Variants in RAB3IL1 observed in about 807,000 individuals in gnomAD.
RAB3IL1 encodes the protein RAB3A interacting protein like 1.
RAB3IL1 carries 37 observed loss-of-function variants against 49.2 expected under a neutral mutation model. That is an observed-to-expected ratio of 0.75 (90% CI 0.58 to 0.99). The LOEUF is 0.99. Among genes scored for constraint, RAB3IL1 ranks in the 50% least tolerant of loss-of-function variants. The pLI is 0.00. For missense variants in RAB3IL1, 484 were observed against 513.0 expected, an observed-to-expected ratio of 0.94 and a Z score of 0.55; for synonymous variants, 193 against 213.9, an observed-to-expected ratio of 0.90 and a Z score of 0.85.
At chr11:61,934,757 C>T in the RAB3IL1 span, among the ~76,000 whole-genome samples, 4 of 151,532 alleles carry the variant, frequency 2.6e-5, no homozygotes, top group Admixed American at 6.6e-5. Flanking sequence ...AGGTATGTGC[C>T]GACACACATA....
At chr11:61,932,784 T>C in the RAB3IL1 span, among the ~76,000 whole-genome samples, 2 of 149,968 alleles carry the variant, frequency 1.3e-5, no homozygotes, top group South Asian at 4.2e-4. Context: ...TTTTTTTTTT[T>C]TTTTTGAGAC....
chr11:61,916,606 T>C (rs1939701268), intron 1 of RAB3IL1, among the ~76,000 whole-genome samples: 1 of 152,224 alleles, frequency 6.6e-6, no homozygotes, highest in South Asian at 2.1e-4. Flanking sequence ...TCCCCCATTC[T>C]GGCCACATTT....
rs184190708 is a variant in RAB3IL1, at chr11:61,899,780, G to A, written c.1000-400C>T. 388 of 198,554 alleles carry A rather than the reference G, an allele frequency of 2.0e-3. 3 individuals are homozygous for A. The highest frequency in any genetic ancestry group is 8.4e-3 in the African/African-American group (367 of 43,564). The allele number at this position is 198,554 out of a possible 1,614,324, so 12.3% of individuals were successfully genotyped here. A position where few individuals can be genotyped will look rare whatever the true frequency, so the allele number is the denominator to read the frequency against. ...GTCTACACTCGCCCTCTCACAGGCCGGCTTGCTCCAGATGCTGGAGTTTTG... is the reference window on the plus strand; with the variant it reads ...GTCTACACTCGCCCTCTCACAGGCCAGCTTGCTCCAGATGCTGGAGTTTTG... On this transcript the variant is annotated intron_variant, in intron 8 of 9. Coordinates refer to ENST00000394836, the MANE Select transcript of RAB3IL1 (RefSeq NM_013401.4).
chr11:61,916,438 TCC>T (rs1339912273), intron 1 of RAB3IL1, among the ~76,000 whole-genome samples: 3 of 151,854 alleles, frequency 2.0e-5, no homozygotes. Flanking sequence ...AGGCCATCCC[TCC>T]CCTAGCATCG....
At chr11:61,905,685 G>A (rs1939150351) in intron 5 of RAB3IL1, among the ~76,000 whole-genome samples, 1 of 152,190 alleles carries the variant, frequency 6.6e-6, no homozygotes, top group Admixed American at 6.5e-5. Context: ...TGGAGGCCCT[G>A]GAGACAGAGG....
chr11:61,902,492 G>A lies in RAB3IL1; in HGVS notation c.949C>T (p.Leu317Phe), dbSNP rs370497170. ...TAGTAATGGCTTTTGGAGTCCCCGA[G>A]CCGGATTCGGTGGCGGCAGGTGCGG... Reference protein sequence around the residue: ...LTRTCRHRIRLGDSKSHYYIS... With the variant: ...LTRTCRHRIRFGDSKSHYYIS... The change falls in exon 8 of 10, where the codon CTC (leucine) becomes TTC (phenylalanine). Residue 317 changes from leucine to phenylalanine, a missense_variant. Transcript: ENST00000394836. 4.2e-5 allele frequency: 68 copies of A among 1,604,290 alleles called. No homozygotes were observed. The highest frequency in any genetic ancestry group is 5.4e-5 in the Non-Finnish European group (63 of 1,176,988).
At chr11:61,915,300 G>A (rs1016658039) in intron 1 of RAB3IL1, among the ~76,000 whole-genome samples, 5 of 152,088 alleles carry the variant, frequency 3.3e-5, no homozygotes, top group Admixed American at 1.3e-4. Flanking sequence ...TATGGCAGGG[G>A]GGCTGGATGG....
At chr11:61,927,926 G>A in the RAB3IL1 span, among the ~76,000 whole-genome samples, 107 of 152,208 alleles carry the variant, frequency 7.0e-4, no homozygotes, top group Middle Eastern at 0.01. Context: ...ATTACCCAGC[G>A]TTGAGTAGTT....
chr11:61,935,425 A>T, the RAB3IL1 span, among the ~76,000 whole-genome samples: 3 of 123,008 alleles, frequency 2.4e-5, no homozygotes, highest in Non-Finnish European at 5.1e-5. Flanking sequence ...GTCTCAAAAA[A>T]AAAAAAAAAA....
chr11:61,898,697 C>A lies in RAB3IL1; in HGVS notation c.1067-337G>T, dbSNP rs570780385. 2 of 481,522 alleles carry A rather than the reference C, an allele frequency of 4.2e-6. No homozygotes were observed. Among genetic ancestry groups the A allele is most frequent in the East Asian group, 1.1e-4 (2 of 18,002 alleles). 29.8% of individuals were successfully genotyped at this position (481,522 alleles called of 1,614,324 possible). The stretch of plus-strand genomic sequence containing the variant: ...ACATTAGACAAGGCACAGATGCCTC[C>A]CTGGGGTCTCACAAGGACCCTGCGC... On this transcript the variant is annotated intron_variant, in intron 9 of 9. Transcript: ENST00000394836. This position sits in a 1 kb window ranked among gnomAD's most constrained non-coding sequence, Gnocchi z 5.1.
Position 61,908,137 on chromosome 11 carries a change from C to T in RAB3IL1, c.181G>A (p.Val61Met), listed in dbSNP as rs756794605. 1.4e-5 allele frequency: 23 copies of T among 1,597,536 alleles called. No homozygotes were observed. Among genetic ancestry groups the T allele is most frequent in the South Asian group, 6.7e-5 (6 of 88,952 alleles). The change falls in exon 2 of 10, where the codon GTG (valine) becomes ATG (methionine). Residue 61 changes from valine (V) to methionine (M), a missense_variant. Val to Met is a conservative substitution (Grantham distance 21). Coordinates refer to ENST00000394836, the MANE Select transcript of RAB3IL1 (RefSeq NM_013401.4). Reference protein sequence around the residue: ...QEGPAAAQLDVLRLRSSSMEI... With the variant: ...QEGPAAAQLDMLRLRSSSMEI... ...ATGGAAGAGCTGCGCAGGCGCAACACGTCCAGCTGGGCGGCTGCGGGGCCC... is the reference window on the plus strand; with the variant it reads ...ATGGAAGAGCTGCGCAGGCGCAACATGTCCAGCTGGGCGGCTGCGGGGCCC...
At chr11:61,908,955 C>A (rs1939341562) in intron 1 of RAB3IL1, among the ~76,000 whole-genome samples, 1 of 152,202 alleles carries the variant, frequency 6.6e-6, no homozygotes, top group Admixed American at 6.5e-5. Context: ...GCAAACACCC[C>A]CTTCTCTGGG....
intron 1 of RAB3IL1, 112 bp downstream of exon 1, chr11:61,917,245 C>T: frequency 7.7e-7 from 1 of 1,294,004 alleles, no homozygotes; most frequent in Non-Finnish European, 9.8e-7. Context: ...CGGGGGCGCA[C>T]AGCACCTCCG....
Position 61,899,371 on chromosome 11 carries a change from C to T in RAB3IL1, c.1009G>A (p.Val337Met). The stretch of plus-strand genomic sequence containing the variant: ...CGGATGTAGGTGAAGAAGTTGCACA[C>T]TGCGGTGATCTGTGGGCAGAGGTGG... ...SPSSRARITA[V>M]CNFFTYIRYI... Residue 337 changes from valine (V) to methionine (M), a missense_variant, in exon 9 of 10, where the codon GTG (valine) becomes ATG (methionine). Val to Met is a conservative substitution (Grantham distance 21, BLOSUM62 1). Transcript: ENST00000394836. The T allele has an allele frequency of 6.2e-7, 1 of 1,609,156 alleles. No individual in the cohort carries two copies. Among genetic ancestry groups the T allele is most frequent in the Non-Finnish European group, 8.5e-7 (1 of 1,179,672 alleles).
At chr11:61,929,884 CTTTTTTTT>C in the RAB3IL1 span, among the ~76,000 whole-genome samples, 8 of 66,416 alleles carry the variant, frequency 1.2e-4, no homozygotes, top group South Asian at 3.0e-3. Context: ...CCGCGCCCGG[CTTTTTTTT>C]TTTTTTTTTT....
chr11:61,942,589 T>C, the RAB3IL1 span, among the ~76,000 whole-genome samples: 2 of 152,242 alleles, frequency 1.3e-5, no homozygotes, highest in Non-Finnish European at 2.9e-5. Context: ...TGACATGATC[T>C]TATATGTAGT....
intron 4 of RAB3IL1, 47 bp downstream of exon 4, chr11:61,907,346 C>T: frequency 6.3e-7 from 1 of 1,594,450 alleles, no homozygotes; most frequent in Non-Finnish European, 8.6e-7. Context: ...AGCCGGGAGG[C>T]AGGGGGGGTG....
the RAB3IL1 span, among the ~76,000 whole-genome samples, chr11:61,933,529 C>T: frequency 1.3e-5 from 2 of 151,944 alleles, no homozygotes; most frequent in African/African-American, 2.4e-5. Context: ...TTTAGAGTCA[C>T]GTAGTTTGTG....
chr11:61,910,693 G>C (rs755772648), intron 1 of RAB3IL1, among the ~76,000 whole-genome samples: 1 of 152,252 alleles, frequency 6.6e-6, no homozygotes, highest in Non-Finnish European at 1.5e-5. Context: ...CTGGAGGCCT[G>C]TGGACCCTTG....
Sources: gnomAD v4.1 joint callset for allele counts (sites outside exome capture counted in the v4.1 genomes callset) on GRCh38, gnomAD v4.1.1 for gene constraint, Gnocchi (gnomAD v3.1) non-coding constraint, MANE v1.5 for transcripts, NCBI Gene and HGNC (gene_info 2026-07-23, HGNC 2026-07-21) for gene names.